The following RABGAP1L variants were observed in gnomAD, a reference collection of about 807,000 sequenced individuals.
The protein encoded by RABGAP1L is RAB GTPase activating protein 1 like.
Under a neutral mutation model 137.7 loss-of-function variants are expected in RABGAP1L, and 63 were observed. That is an observed-to-expected ratio of 0.46 (90% CI 0.37 to 0.56). The LOEUF (loss-of-function observed/expected upper bound fraction) is 0.56. RABGAP1L is among the 20% of genes least tolerant of loss of function. The probability of loss-of-function intolerance (pLI) is 0.00; values close to 1 mark genes in which losing one functional copy is unlikely to be tolerated. For synonymous variants in RABGAP1L, 431 were observed against 433.7 expected (o/e 0.99, Z 0.08); for missense variants, 1,095 against 1,244.0 (o/e 0.88, Z 1.80).
chr1:174,192,385 A>G (rs1667277216), intron 1 of RABGAP1L, among the ~76,000 whole-genome samples: 2 of 142,722 alleles, frequency 1.4e-5, no homozygotes, highest in Non-Finnish European at 1.5e-5. Context: ...GTGCAGTGGC[A>G]TGATCTTGGC....
chr1:174,808,076 TG>T (rs1443227800), intron 18 of RABGAP1L, among the ~76,000 whole-genome samples: 2 of 150,596 alleles, frequency 1.3e-5, no homozygotes, highest in African/African-American at 2.5e-5. Flanking sequence ...CTCCGCCTCC[TG>T]GGTTCATGCC....
chr1:174,683,491 C>A, intron 14 of RABGAP1L, 31 bp from the exon 15 acceptor site: 1 of 1,520,628 alleles, frequency 6.6e-7, no homozygotes. Context: ...TGACTATTTA[C>A]GATATTTCTT....
At chr1:174,530,289 A>G (rs1664276424) in intron 13 of RABGAP1L, among the ~76,000 whole-genome samples, 1 of 152,084 alleles carries the variant, frequency 6.6e-6, no homozygotes, top group Non-Finnish European at 1.5e-5. Flanking sequence ...GGCAGCTGCC[A>G]TGCTTCTCTT....
chr1:174,753,138 G>A (rs1009902172), intron 18 of RABGAP1L, among the ~76,000 whole-genome samples: 12 of 143,030 alleles, frequency 8.4e-5, no homozygotes, highest in African/African-American at 3.7e-4. Flanking sequence ...CAAAGTCTGG[G>A]TTTTGAGATA....
At chr1:174,937,637 T>TATA (rs1302676014) in intron 19 of RABGAP1L, among the ~76,000 whole-genome samples, 2 of 138,452 alleles carry the variant, frequency 1.4e-5, no homozygotes, top group African/African-American at 3.0e-5. Context: ...TATATATATC[T>TATA]TGCAGTTAGA....
At chr1:174,618,169 C>T (rs892500519) in intron 13 of RABGAP1L, among the ~76,000 whole-genome samples, 4 of 152,134 alleles carry the variant, frequency 2.6e-5, no homozygotes, top group Admixed American at 6.5e-5. Context: ...TGGAGCCCAC[C>T]GCAGCTTAAG....
intron 11 of RABGAP1L, among the ~76,000 whole-genome samples, chr1:174,368,249 A>G (rs746632342): frequency 5.3e-5 from 8 of 152,212 alleles, no homozygotes; most frequent in Non-Finnish European, 7.3e-5. Flanking sequence ...TAGTTAGTAA[A>G]ACATATTGAT....
chr1:174,906,900 GAA>G (rs59299069), intron 19 of RABGAP1L, among the ~76,000 whole-genome samples: 1 of 146,614 alleles, frequency 6.8e-6, no homozygotes, highest in Admixed American at 6.8e-5. Flanking sequence ...AGTGCTCAAA[GAA>G]AAAAAAAAAC....
intron 13 of RABGAP1L, among the ~76,000 whole-genome samples, chr1:174,456,027 T>C (rs901487530): frequency 1.3e-5 from 2 of 152,126 alleles, no homozygotes; most frequent in Non-Finnish European, 2.9e-5. Flanking sequence ...CTGATATTTC[T>C]TTCTTGAGAA....
chr1:174,874,848 T>C, intron 19 of RABGAP1L, among the ~76,000 whole-genome samples: 1 of 152,138 alleles, frequency 6.6e-6, no homozygotes, highest in East Asian at 1.9e-4. Flanking sequence ...GAACCACAAA[T>C]ATAGTACACT....
intron 21 of RABGAP1L, among the ~76,000 whole-genome samples, chr1:174,974,316 T>C (rs1670460505): frequency 6.6e-6 from 1 of 152,190 alleles, no homozygotes; most frequent in Admixed American, 6.5e-5. Flanking sequence ...AGTGCCACTC[T>C]GTGCCTATCT....
At chr1:174,607,869 A>G (rs972939112) in intron 13 of RABGAP1L, among the ~76,000 whole-genome samples, 7 of 152,192 alleles carry the variant, frequency 4.6e-5, no homozygotes, top group Non-Finnish European at 8.8e-5. Context: ...ATTCTTTCCT[A>G]TACATCAGGA....
At chr1:174,246,397 A>G (rs1672265647) in intron 5 of RABGAP1L, 1 of 152,196 alleles carries the variant, frequency 6.6e-6, no homozygotes, top group African/African-American at 2.4e-5. Flanking sequence ...TGTGACATGT[A>G]TTGAAGTGTT....
chr1:174,332,846 G>C (rs1681155692), intron 11 of RABGAP1L, among the ~76,000 whole-genome samples: 1 of 152,152 alleles, frequency 6.6e-6, no homozygotes, highest in Non-Finnish European at 1.5e-5. Flanking sequence ...CAAAGGAAAT[G>C]AAATCAGTAT....
chr1:174,625,436 T>G (rs971407855), intron 13 of RABGAP1L, among the ~76,000 whole-genome samples: 1 of 152,022 alleles, frequency 6.6e-6, no homozygotes, highest in Non-Finnish European at 1.5e-5. Context: ...GTAGTGTGTG[T>G]GTGTTTGTTT....
intron 13 of RABGAP1L, among the ~76,000 whole-genome samples, chr1:174,590,248 A>G (rs936662630): frequency 8.7e-5 from 13 of 148,794 alleles, no homozygotes; most frequent in African/African-American, 3.2e-4. Context: ...TTAATGCTCT[A>G]ACAACTTTTG....
At chr1:174,622,405 G>A (rs1040208667) in intron 13 of RABGAP1L, among the ~76,000 whole-genome samples, 5 of 152,140 alleles carry the variant, frequency 3.3e-5, no homozygotes, top group African/African-American at 1.2e-4. Flanking sequence ...ACATGCACAC[G>A]TATGTTTATT....
At chr1:174,866,158 AGAGAG>A (rs1651204230) in intron 19 of RABGAP1L, among the ~76,000 whole-genome samples, 2 of 135,012 alleles carry the variant, frequency 1.5e-5, no homozygotes, top group Non-Finnish European at 3.1e-5. Context: ...AGAGAGAGAG[AGAGAG>A]ATGCCAGCCT....
At chr1:174,177,370 C>T (rs951378955) in intron 1 of RABGAP1L, among the ~76,000 whole-genome samples, 2 of 151,996 alleles carry the variant, frequency 1.3e-5, no homozygotes, top group African/African-American at 4.8e-5. Flanking sequence ...CTTGTAGATT[C>T]TGGATATTAG....
Sources: gnomAD v4.1 joint callset for allele counts (sites outside exome capture counted in the v4.1 genomes callset) on GRCh38, gnomAD v4.1.1 for gene constraint, MANE v1.5 for transcripts, NCBI Gene and HGNC (gene_info 2026-07-23, HGNC 2026-07-21) for gene names.